Variants in NIBAN2 observed in about 807,000 individuals in gnomAD.
NIBAN2 encodes the protein niban apoptosis regulator 2, also known as protein Niban 2.
Under a neutral mutation model 81.8 loss-of-function variants are expected in NIBAN2, and 36 were observed. The ratio of observed to expected loss-of-function variants is 0.44; its 90% CI spans 0.34 to 0.58. NIBAN2 has a LOEUF of 0.58. NIBAN2 is among the 20% of genes least tolerant of loss of function. The pLI is 0.02. For synonymous variants in NIBAN2, 445 were observed against 441.6 expected (o/e 1.01, Z -0.10); for missense variants, 897 against 1,014.1 (o/e 0.88, Z 1.57).
chr9:127,538,096 G>A (rs983479529), intron 1 of NIBAN2, among the ~76,000 whole-genome samples: 1 of 152,196 alleles, frequency 6.6e-6, no homozygotes, highest in East Asian at 1.9e-4. Context: ...ACACACTTGT[G>A]GGTTTGTTGT....
intron 4 of NIBAN2, 75 bp from the exon 5 acceptor site, chr9:127,523,921 C>T (rs1837012341): frequency 6.7e-7 from 1 of 1,502,356 alleles, no homozygotes. Flanking sequence ...GAACTGATCC[C>T]TTGGCATCAG....
chr9:127,569,755 G>A (rs55909371), upstream of NIBAN2, among the ~76,000 whole-genome samples: 6,694 of 152,322 alleles, frequency 0.044, 230 homozygotes, highest in African/African-American at 0.09. Context: ...GCTCGGGCCC[G>A]AAGGCACCCC....
chr9:127,523,971 C>T, intron 4 of NIBAN2, 125 bp from the exon 5 acceptor site: 1 of 1,027,916 alleles, frequency 9.7e-7, no homozygotes, highest in Non-Finnish European at 1.4e-6. Flanking sequence ...GCCAGCCTGT[C>T]CCAAGGTGAC....
At chr9:127,540,696 G>A (rs897498138) in intron 1 of NIBAN2, among the ~76,000 whole-genome samples, 11 of 152,352 alleles carry the variant, frequency 7.2e-5, no homozygotes, top group African/African-American at 2.4e-4. Context: ...TGTTCCACAC[G>A]GACGGGGGAC....
chr9:127,542,656 TC>T (rs1010779504), intron 1 of NIBAN2, among the ~76,000 whole-genome samples: 2 of 152,000 alleles, frequency 1.3e-5, no homozygotes, highest in South Asian at 2.1e-4. Context: ...CACCGACATT[TC>T]CCCCCCTGCT....
Position 127,507,924 on chromosome 9 carries a change from C to A in NIBAN2, c.1597G>T (p.Val533Leu). 6.2e-7 allele frequency: 1 copy of A among 1,614,196 alleles called. No homozygotes were observed. The highest frequency in any genetic ancestry group is 2.2e-5 in the East Asian group (1 of 44,890). Residue 533 changes from valine to leucine, a missense_variant, in exon 13 of 14, where the codon GTG becomes TTG. Around this residue, in one of 3 missense-constraint regions of NIBAN2, gnomAD observed 619 missense variants for 691.0 expected, o/e 0.90. Coordinates refer to ENST00000373312, the MANE Select transcript of NIBAN2 (RefSeq NM_022833.4). This position sits in a 1 kb window ranked among gnomAD's most constrained non-coding sequence, Gnocchi z 6.8. Reference protein sequence around the residue: ...IFEDFARFILVENTYEEVVLQ... With the variant: ...IFEDFARFILLENTYEEVVLQ... ...ACCACCTCCTCGTACGTGTTTTCCA[C>A]CAGGATGAACCTGGCAAAGTCCTCG...
At chr9:127,566,642 A>T (rs1837864078) in intron 1 of NIBAN2, among the ~76,000 whole-genome samples, 2 of 152,134 alleles carry the variant, frequency 1.3e-5, no homozygotes, top group Admixed American at 6.5e-5. Context: ...GGGAACTCAG[A>T]GCACTGTGGG....
At chr9:127,560,431 C>T (rs144112376) in intron 1 of NIBAN2, among the ~76,000 whole-genome samples, 1 of 150,754 alleles carries the variant, frequency 6.6e-6, no homozygotes, top group Non-Finnish European at 1.5e-5. Context: ...CCCACCGGTG[C>T]CACTTCTGCC....
intron 1 of NIBAN2, among the ~76,000 whole-genome samples, chr9:127,537,006 C>G (rs1837292289): frequency 6.6e-6 from 1 of 152,188 alleles, no homozygotes; most frequent in African/African-American, 2.4e-5. Context: ...AAGGTGTGTG[C>G]CAGCTTCGTC....
chr9:127,520,229 CTTTTTTTT>C (rs61128001), intron 5 of NIBAN2, among the ~76,000 whole-genome samples: 74,227 of 109,064 alleles, frequency 0.68, 24,618 homozygotes, highest in Middle Eastern at 0.78. Flanking sequence ...GACCCAGGGT[CTTTTTTTT>C]TTTTTTTTTT....
intron 1 of NIBAN2, among the ~76,000 whole-genome samples, chr9:127,538,049 A>G (rs987952042): frequency 1.3e-5 from 2 of 152,122 alleles, no homozygotes; most frequent in African/African-American, 2.4e-5. Context: ...TGAAGAGGCC[A>G]CTTTTGGGGA....
At chr9:127,524,738 G>T in intron 4 of NIBAN2, 1 of 261,604 alleles carries the variant, frequency 3.8e-6, no homozygotes, top group Non-Finnish European at 7.4e-6. Flanking sequence ...CATCAGAGAG[G>T]CCAATGTTGT....
intron 1 of NIBAN2, among the ~76,000 whole-genome samples, chr9:127,552,812 C>G (rs1412060190): frequency 6.6e-6 from 1 of 151,086 alleles, no homozygotes; most frequent in Non-Finnish European, 1.5e-5. Context: ...CATCAGCCTC[C>G]CAAGTAGCTG....
chr9:127,557,307 C>T (rs558286610), intron 1 of NIBAN2, among the ~76,000 whole-genome samples: 4 of 152,300 alleles, frequency 2.6e-5, no homozygotes, highest in Admixed American at 6.5e-5. Flanking sequence ...GTAGCAAGGT[C>T]ACTCTACTAC....
At chr9:127,575,134 C>A (rs1452708466) in intron 1 of NIBAN2, among the ~76,000 whole-genome samples, 1 of 152,214 alleles carries the variant, frequency 6.6e-6, no homozygotes, top group African/African-American at 2.4e-5. Flanking sequence ...CAGTCCCTCC[C>A]CCCACTTCCC....
chr9:127,510,382 C>T, intron 8 of NIBAN2, 49 bp from the exon 9 acceptor site: 1 of 1,418,984 alleles, frequency 7.0e-7, no homozygotes, highest in Admixed American at 2.2e-5. Context: ...AGGAGCACCT[C>T]CCAGCCATCC....
chr9:127,531,329 A>G (rs1837175637), intron 2 of NIBAN2, among the ~76,000 whole-genome samples: 1 of 151,816 alleles, frequency 6.6e-6, no homozygotes, highest in African/African-American at 2.4e-5. Flanking sequence ...CTAAAAATAC[A>G]AAAACTTAGC....
At chr9:127,558,985 G>A (rs1438079519) in intron 1 of NIBAN2, among the ~76,000 whole-genome samples, 1 of 152,152 alleles carries the variant, frequency 6.6e-6, no homozygotes, top group Non-Finnish European at 1.5e-5. Flanking sequence ...GGAGAGCTGT[G>A]TGCCGAAGGC....
chr9:127,545,569 A>T lies in NIBAN2; in HGVS notation c.56-13791T>A, dbSNP rs574185744. ...CACAGAGGCAGGTCAGGCCCAACAGAGCCAGGAGTCAGCTGGGGTTTTTCA... is the reference window on the plus strand; with the variant it reads ...CACAGAGGCAGGTCAGGCCCAACAGTGCCAGGAGTCAGCTGGGGTTTTTCA... On this transcript the variant is annotated intron_variant, in intron 1 of 13. Coordinates refer to ENST00000373312, the MANE Select transcript of NIBAN2 (RefSeq NM_022833.4). This position sits in a 1 kb window ranked among gnomAD's most constrained non-coding sequence, Gnocchi z 4.7. Among the ~76,000 whole-genome samples the T allele has an allele frequency of 6.6e-6, 1 of 152,176 alleles. No homozygotes were observed. Among genetic ancestry groups the T allele is most frequent in the East Asian group, 1.9e-4 (1 of 5,170 alleles).
Sources: gnomAD v4.1 joint callset for allele counts (sites outside exome capture counted in the v4.1 genomes callset) on GRCh38, gnomAD v4.1.1 for gene constraint, gnomAD v4.1.1 regional missense constraint, Gnocchi (gnomAD v3.1) non-coding constraint, MANE v1.5 for transcripts, NCBI Gene and HGNC (gene_info 2026-07-23, HGNC 2026-07-21) for gene names.